SOS1: variants seen among roughly 807,000 people sequenced by gnomAD.
SOS1 encodes SOS Ras/Rac guanine nucleotide exchange factor 1.
SOS1 carries 25 observed loss-of-function variants against 157.6 expected under a neutral mutation model. That is an observed-to-expected ratio of 0.16 (90% CI 0.12 to 0.22). The LOEUF is 0.22. Among genes scored for constraint, SOS1 ranks in the 10% least tolerant of loss-of-function variants. SOS1 has a pLI of 1.00. For synonymous variants in SOS1, 528 were observed against 534.0 expected (o/e 0.99, Z 0.16); for missense variants, 1,237 against 1,599.1 (o/e 0.77, Z 3.86).
intron 4 of SOS1, among the ~76,000 whole-genome samples, chr2:39,056,346 G>A (rs1039473269): frequency 2.6e-4 from 39 of 152,234 alleles, no homozygotes; most frequent in Admixed American, 5.9e-4. Context: ...GAATCCAGGA[G>A]GCGGAGGTTG....
rs533891080 is a variant in SOS1 at position 38,982,414 on chromosome 2, G to T, written c.*3410C>A. On this transcript the variant is annotated 3_prime_UTR_variant, in exon 23 of 23. Transcript: ENST00000402219. ...TCAAAGAAGAAAAATATTGAATAAA[G>T]TCATCATGTTCCCTTATAAATAACT... 39 of 152,236 alleles carry T rather than the reference G, an allele frequency of 2.6e-4. No individual in the cohort carries two copies. Among genetic ancestry groups the T allele is most frequent in the African/African-American group, 8.7e-4 (36 of 41,556 alleles). The allele number at this position is 152,236 out of a possible 1,614,324, so 9.4% of individuals were successfully genotyped here.
chr2:39,105,308 T>A (rs2148213291), intron 1 of SOS1, among the ~76,000 whole-genome samples: 1 of 151,870 alleles, frequency 6.6e-6, no homozygotes, highest in South Asian at 2.1e-4. Context: ...TTTTTTTAAA[T>A]AGAGATGGGG....
rs1671228363 is a variant in SOS1 at position 39,056,767 on chromosome 2, C to T, written c.445G>A (p.Val149Ile). 1 of 1,599,884 alleles carries T rather than the reference C, an allele frequency of 6.3e-7. No homozygotes were observed. Among genetic ancestry groups the T allele is most frequent in the African/African-American group, 1.3e-5 (1 of 74,602 alleles). The change falls in exon 4 of 23, where the codon GTA becomes ATA. Residue 149 changes from valine to isoleucine, a missense_variant. Coordinates refer to ENST00000402219, the MANE Select transcript of SOS1 (RefSeq NM_005633.4). ...ADILKLVGNY[V>I]RNIRHYEITK... ...ATTTCATAATGCCGTATATTTCTTA[C>T]ATAATTCCCAACCAGCTTTAAAATG...
In SOS1 at chr2:39,010,694, C is replaced by G; in HGVS notation, c.2400G>C (p.Gln800His). The G allele has an allele frequency of 1.2e-6, 2 of 1,606,752 alleles. No homozygotes were observed. Among genetic ancestry groups the G allele is most frequent in the Non-Finnish European group, 1.7e-6 (2 of 1,173,494 alleles). The change falls in exon 15 of 23, where the codon CAG (glutamine) becomes CAC (histidine). Residue 800 changes from glutamine to histidine, a missense_variant. By Grantham distance (24) the Gln-to-His change is conservative (BLOSUM62 0). Around this residue, in one of 15 missense-constraint regions of SOS1, gnomAD observed 105 missense variants for 236.0 expected, o/e 0.44. Transcript: ENST00000402219. Reference protein sequence around the residue: ...LLESDLYRAVQPSELVGSVWT... With the variant: ...LLESDLYRAVHPSELVGSVWT... Reference sequence around the variant, plus strand: ...ACACACTTCCAACTAATTCTGATGGCTGTACAGCTCTAAAATCATCAATAC... The same window carrying G: ...ACACACTTCCAACTAATTCTGATGGGTGTACAGCTCTAAAATCATCAATAC...
At chr2:39,045,275 T>TGA (rs1250712782) in intron 6 of SOS1, among the ~76,000 whole-genome samples, 20 of 103,168 alleles carry the variant, frequency 1.9e-4, no homozygotes, top group African/African-American at 6.7e-4. Context: ...AGAGAGAGAG[T>TGA]GTGTGTGTGT....
chr2:39,087,850 TA>T (rs1339835066), intron 1 of SOS1, among the ~76,000 whole-genome samples: 1 of 151,982 alleles, frequency 6.6e-6, no homozygotes, highest in African/African-American at 2.4e-5. Flanking sequence ...AGCTAATTTT[TA>T]AAATTTTTTT....
In SOS1 at chr2:39,014,124, G is replaced by T; in HGVS notation, c.1941-135C>A. 8 of 639,498 alleles carry T rather than the reference G, an allele frequency of 1.3e-5. No individual in the cohort carries two copies. The South Asian group carries it at 1.5e-4, about 12-fold the overall frequency. 39.6% of individuals were successfully genotyped at this position (639,498 alleles called of 1,614,324 possible). On this transcript the variant is annotated intron_variant, in intron 11 of 22. Transcript: ENST00000402219. ...AATTACTGAAGATATGCATATCAGT[G>T]TAAACAAGTGAGACTCCTATAGTAT...
At chr2:39,090,222 C>T (rs1413372017) in intron 1 of SOS1, among the ~76,000 whole-genome samples, 1 of 151,844 alleles carries the variant, frequency 6.6e-6, no homozygotes, top group Non-Finnish European at 1.5e-5. Context: ...CAAATGGTAG[C>T]GCCTAGGGCT....
At chr2:39,067,544 G>C in intron 2 of SOS1, 84 bp downstream of exon 2, 1 of 1,227,964 alleles carries the variant, frequency 8.1e-7, no homozygotes, top group Non-Finnish European at 1.2e-6. Context: ...TATATAGAGA[G>C]AGCAAATTCT....
chr2:39,062,326 G>A lies in SOS1; in HGVS notation c.214-3522C>T, dbSNP rs983506289. ...CCAGCTACTCAGGAGGCTGAGGCACGAGAATCACTTGAACCTGGGAGGCGA... is the reference window on the plus strand; with the variant it reads ...CCAGCTACTCAGGAGGCTGAGGCACAAGAATCACTTGAACCTGGGAGGCGA... On this transcript the variant is annotated intron_variant, in intron 2 of 22. Transcript: ENST00000402219. Among the ~76,000 whole-genome samples, 8 of 151,144 alleles carry A rather than the reference G, an allele frequency of 5.3e-5. No homozygotes were observed. In the South Asian group the frequency reaches 1.0e-3, roughly 20 times the overall value.
intron 6 of SOS1, among the ~76,000 whole-genome samples, chr2:39,049,887 A>G (rs942051774): frequency 6.6e-6 from 1 of 152,238 alleles, no homozygotes; most frequent in African/African-American, 2.4e-5. Flanking sequence ...GCATCCTGTT[A>G]TAAGGAGGGA....
At chr2:39,074,669 A>G (rs898856950) in intron 1 of SOS1, among the ~76,000 whole-genome samples, 2 of 152,156 alleles carry the variant, frequency 1.3e-5, no homozygotes, top group African/African-American at 4.8e-5. Flanking sequence ...GGAGTTCAAG[A>G]CCAGCCTGAC....
intron 1 of SOS1, among the ~76,000 whole-genome samples, chr2:39,077,812 G>A (rs1369883520): frequency 6.6e-6 from 1 of 152,078 alleles, no homozygotes; most frequent in South Asian, 2.1e-4. Flanking sequence ...ACTGAAGATG[G>A]ATCAAGTACA....
At chr2:39,004,362 C>T (rs1305350000) in intron 17 of SOS1, among the ~76,000 whole-genome samples, 2 of 128,590 alleles carry the variant, frequency 1.6e-5, no homozygotes, top group Non-Finnish European at 3.1e-5. Flanking sequence ...GCCGAGATGG[C>T]AGCTACTGCA....
chr2:39,037,431 AGTTT>A (rs1377386161), intron 6 of SOS1, among the ~76,000 whole-genome samples: 1 of 152,282 alleles, frequency 6.6e-6, no homozygotes, highest in African/African-American at 2.4e-5. Flanking sequence ...AGTTCCTTTC[AGTTT>A]ATTTTAAAAC....
At chr2:39,078,921 G>GCA (rs1672108865) in intron 1 of SOS1, among the ~76,000 whole-genome samples, 1 of 151,910 alleles carries the variant, frequency 6.6e-6, no homozygotes, top group African/African-American at 2.4e-5. Flanking sequence ...TTAGCCAGAT[G>GCA]CGGTGGCATA....
At chr2:39,038,658 T>C (rs1243971608) in intron 6 of SOS1, among the ~76,000 whole-genome samples, 2 of 138,852 alleles carry the variant, frequency 1.4e-5, no homozygotes, top group African/African-American at 5.4e-5. Flanking sequence ...CGCTAGAACC[T>C]GGGAGGCAGA....
chr2:39,049,630 T>G (rs1167066841), intron 6 of SOS1, among the ~76,000 whole-genome samples: 3 of 152,220 alleles, frequency 2.0e-5, no homozygotes, highest in Admixed American at 6.5e-5. Flanking sequence ...TTTTTTGGAA[T>G]TCTGTATTAT....
At chr2:39,039,917 A>G (rs1460204988) in intron 6 of SOS1, among the ~76,000 whole-genome samples, 1 of 152,212 alleles carries the variant, frequency 6.6e-6, no homozygotes, top group African/African-American at 2.4e-5. Context: ...GGAATCATAC[A>G]ATATGTAGTC....
Sources: gnomAD v4.1 joint callset for allele counts (sites outside exome capture counted in the v4.1 genomes callset) on GRCh38, gnomAD v4.1.1 for gene constraint, gnomAD v4.1.1 regional missense constraint, MANE v1.5 for transcripts, NCBI Gene and HGNC (gene_info 2026-07-23, HGNC 2026-07-21) for gene names.